Variants in VRK2 observed in about 807,000 individuals in gnomAD.
The protein encoded by VRK2 is VRK serine/threonine kinase 2, also known as serine/threonine-protein kinase VRK2.
VRK2 carries 60 observed loss-of-function variants against 57.6 expected under a neutral mutation model. That is an observed-to-expected ratio of 1.04 (90% confidence interval 0.85 to 1.29). VRK2 has a LOEUF of 1.29. VRK2 is among the 50% of genes most tolerant of loss of function. VRK2 has a pLI of 0.00. For synonymous variants in VRK2, 231 were observed against 199.2 expected (o/e 1.16, Z -1.35); for missense variants, 705 against 588.1 (o/e 1.20, Z -2.06).
intron 7 of VRK2, among the ~76,000 whole-genome samples, chr2:58,092,841 G>GTGTGT (rs898680234): frequency 2.6e-5 from 4 of 152,152 alleles, no homozygotes; most frequent in African/African-American, 9.7e-5. Context: ...AGGCCCCGGT[G>GTGTGT]TGTGTTGTTC....
In VRK2 at chr2:58,084,834, T is replaced by C; in HGVS notation, c.187-47T>C. On this transcript the variant is annotated intron_variant, in intron 3 of 12. Coordinates refer to ENST00000340157, the MANE Select transcript of VRK2 (RefSeq NM_006296.7). ...CACAGTTGAAATAACAATTCCATCT[T>C]TGGGATTATTTTTTTCTAGTAAAAT... The C allele has an allele frequency of 3.3e-6, 4 of 1,227,214 alleles. No individual in the cohort carries two copies. In the South Asian group the frequency reaches 5.5e-5, roughly 17 times the overall value. The allele number at this position is 1,227,214 out of a possible 1,614,324, so 76.0% of individuals were successfully genotyped here.
chr2:57,964,490 A>G (rs1671852797), intron 1 of VRK2, among the ~76,000 whole-genome samples: 1 of 152,006 alleles, frequency 6.6e-6, no homozygotes, highest in Admixed American at 6.6e-5. Context: ...AGGCAGGCAC[A>G]CTCACAGCAA....
intron 1 of VRK2, among the ~76,000 whole-genome samples, chr2:57,938,225 C>G (rs1388342045): frequency 6.6e-6 from 1 of 152,162 alleles, no homozygotes; most frequent in Non-Finnish European, 1.5e-5. Flanking sequence ...TAGACCCTAG[C>G]ACACACTGCC....
At chr2:58,094,774 C>A (rs931044819) in intron 7 of VRK2, among the ~76,000 whole-genome samples, 1 of 152,144 alleles carries the variant, frequency 6.6e-6, no homozygotes, top group Non-Finnish European at 1.5e-5. Context: ...GTCATATACT[C>A]AGTTTCCTCA....
chr2:58,085,075 AC>A, intron 4 of VRK2, 125 bp downstream of exon 4: 1 of 788,684 alleles, frequency 1.3e-6, no homozygotes, highest in East Asian at 3.0e-5. Flanking sequence ...GTAAAGTGAT[AC>A]AGTTAACTGT....
In VRK2 at chr2:58,139,676, C is replaced by G. The variant is rs376085602; in HGVS notation, c.867C>G (p.Ala289=). 9 of 1,610,054 alleles carry G rather than the reference C, an allele frequency of 5.6e-6. No homozygotes were observed. Among genetic ancestry groups the G allele is most frequent in the Non-Finnish European group, 6.8e-6 (8 of 1,178,396 alleles). The part of the protein sequence containing the change: ...APSGSSCCEI[A]QFLVCAHSLA... The stretch of plus-strand genomic sequence containing the variant: ...TTTAATAATTCACAGGTGAAATAGC[C>G]CAATTTTTGGTATGTGCTCATAGTT... Residue 289 remains alanine, a synonymous_variant, in exon 11 of 13, where the codon GCC becomes GCG. Coordinates refer to ENST00000340157, the MANE Select transcript of VRK2 (RefSeq NM_006296.7).
At chr2:57,912,323 T>A (rs890071154) in intron 1 of VRK2, among the ~76,000 whole-genome samples, 1 of 152,200 alleles carries the variant, frequency 6.6e-6, no homozygotes, top group African/African-American at 2.4e-5. Context: ...ACATGGCTGG[T>A]GGAGTCCAAG....
intron 1 of VRK2, among the ~76,000 whole-genome samples, chr2:58,005,300 T>C (rs980596058): frequency 6.6e-6 from 1 of 152,150 alleles, no homozygotes; most frequent in African/African-American, 2.4e-5. Context: ...TCTAAAAATG[T>C]AGAATCTTCT....
At chr2:58,118,474 G>A (rs1333523164) in intron 7 of VRK2, among the ~76,000 whole-genome samples, 1 of 152,216 alleles carries the variant, frequency 6.6e-6, no homozygotes, top group Admixed American at 6.5e-5. Context: ...ATTGAAGTGT[G>A]GTGCCAAGAT....
At position 58,088,374 on chromosome 2, in the gene VRK2, A is replaced by G; in HGVS notation, c.378A>G (p.Ile126Met). 1 of 1,613,168 alleles carries G rather than the reference A, an allele frequency of 6.2e-7. No individual in the cohort carries two copies. The highest frequency in any genetic ancestry group is 8.5e-7 in the Non-Finnish European group (1 of 1,179,512). ...YRFMVMERLGIDLQKISGQNG... is the reference protein window; with the variant it reads ...YRFMVMERLGMDLQKISGQNG... ...TTATGGTAATGGAAAGACTAGGAAT[A>G]GATTTACAGAAGATCTCAGGCCAGA... is the stretch of plus-strand genomic sequence containing the variant. Residue 126 changes from isoleucine (I) to methionine (M), a missense_variant, in exon 6 of 13, where the codon ATA (isoleucine) becomes ATG (methionine). Physicochemically the swap from Ile to Met is conservative, Grantham distance 10 (BLOSUM62 1). Transcript: ENST00000340157.
intron 4 of VRK2, 63 bp downstream of exon 4, chr2:58,085,013 T>C: frequency 6.9e-7 from 1 of 1,458,856 alleles, no homozygotes; most frequent in Non-Finnish European, 9.1e-7. Context: ...AGTGTTGATA[T>C]TTTGGTCTTT....
chr2:58,159,626 TTTA>T lies in VRK2; in HGVS notation c.1468_1470del (p.Tyr490del), dbSNP rs767270220. 1 of 1,613,796 alleles carries T rather than the reference TTTA, an allele frequency of 6.2e-7. No individual in the cohort carries two copies. Among genetic ancestry groups the T allele is most frequent in the Non-Finnish European group, 8.5e-7 (1 of 1,179,780 alleles). ...CTTAGTGAAGAGACAAACGCAGATG[TTTA>T]TTATTATCGCATCATCATACCTGTC... On this transcript the variant is annotated inframe_deletion, in exon 13 of 13. Coordinates refer to ENST00000340157, the MANE Select transcript of VRK2 (RefSeq NM_006296.7).
At chr2:58,001,895 A>T (rs1673100848) in intron 1 of VRK2, among the ~76,000 whole-genome samples, 2 of 151,908 alleles carry the variant, frequency 1.3e-5, no homozygotes, top group Non-Finnish European at 2.9e-5. Context: ...CCATTCCACA[A>T]CCTCTTTTTA....
intron 2 of VRK2, chr2:58,025,846 C>T (rs1673907748): frequency 2.6e-5 from 4 of 152,198 alleles, no homozygotes; most frequent in Non-Finnish European, 2.9e-5. Context: ...TGCAGATTAC[C>T]GACTCCTGTT....
intron 1 of VRK2, among the ~76,000 whole-genome samples, chr2:58,020,452 G>A (rs974999248): frequency 6.6e-6 from 1 of 152,198 alleles, no homozygotes; most frequent in Admixed American, 6.5e-5. Flanking sequence ...CAGTCTTCCT[G>A]CCTCAGCCTC....
intron 5 of VRK2, among the ~76,000 whole-genome samples, chr2:58,087,523 G>C (rs1235628127): frequency 6.6e-6 from 1 of 152,132 alleles, no homozygotes; most frequent in East Asian, 1.9e-4. Flanking sequence ...GTGTGTGTTT[G>C]TGTATGCATG....
chr2:58,110,650 C>T (rs572289063), intron 7 of VRK2, among the ~76,000 whole-genome samples: 5 of 152,166 alleles, frequency 3.3e-5, no homozygotes, highest in African/African-American at 1.2e-4. Flanking sequence ...AGGGCAAGGG[C>T]TTTTTGGAGG....
At chr2:58,047,034 C>T (rs909066757) in intron 1 of VRK2, 166 bp downstream of exon 1, 1 of 948,048 alleles carries the variant, frequency 1.1e-6, no homozygotes, top group Non-Finnish European at 1.3e-6. Context: ...GTCGCTGCTT[C>T]CGCGTTTGGT....
chr2:58,046,384 T>C (rs1038889689), upstream of VRK2: 1 of 638,768 alleles, frequency 1.6e-6, no homozygotes, highest in Non-Finnish European at 1.9e-6. Context: ...CCCTCCTAAC[T>C]GGAGTCTTCG....
Sources: allele counts gnomAD v4.1 joint callset (sites outside exome capture counted in the v4.1 genomes callset), GRCh38; gene constraint gnomAD v4.1.1; transcripts MANE v1.5; gene names NCBI Gene and HGNC (gene_info 2026-07-23, HGNC 2026-07-21).